The following AOAH variants were observed in gnomAD, a reference collection of about 807,000 sequenced individuals.
AOAH encodes the protein acyloxyacyl hydrolase (neutrophil).
A neutral mutation model predicts 92.2 loss-of-function variants in AOAH; 64 were observed. The ratio of observed to expected loss-of-function variants is 0.69; its 90% CI spans 0.57 to 0.86. AOAH has a LOEUF of 0.86. Among genes scored for constraint, AOAH ranks in the 40% least tolerant of loss-of-function variants. AOAH has a pLI of 0.00. For synonymous variants in AOAH, 263 were observed against 254.5 expected, an observed-to-expected ratio of 1.03 and a Z score of -0.32; for missense variants, 656 against 694.6, an observed-to-expected ratio of 0.94 and a Z score of 0.62.
intron 13 of AOAH, among the ~76,000 whole-genome samples, chr7:36,562,521 C>T (rs1369340299): frequency 1.3e-5 from 2 of 152,164 alleles, no homozygotes; most frequent in East Asian, 3.9e-4. Flanking sequence ...GGAGAGCCCA[C>T]CTGTCTCCAA....
At chr7:36,621,971 A>G (rs1462882772) in intron 7 of AOAH, among the ~76,000 whole-genome samples, 191 bp from the exon 8 acceptor site, 3 of 152,174 alleles carry the variant, frequency 2.0e-5, no homozygotes, top group African/African-American at 7.2e-5. Flanking sequence ...GACATGTAAT[A>G]TAACACTAGG....
At chr7:36,670,525 A>T (rs1483565584) in intron 3 of AOAH, among the ~76,000 whole-genome samples, 1 of 152,184 alleles carries the variant, frequency 6.6e-6, no homozygotes, top group Non-Finnish European at 1.5e-5. Flanking sequence ...TTCGGGCTGG[A>T]GTGCAGTGGC....
intron 5 of AOAH, among the ~76,000 whole-genome samples, chr7:36,634,548 G>T (rs1793379264): frequency 6.6e-6 from 1 of 152,150 alleles, no homozygotes; most frequent in Non-Finnish European, 1.5e-5. Flanking sequence ...CTTGAGACAG[G>T]AGTCTTGCCG....
chr7:36,581,065 A>G (rs1271797225), intron 12 of AOAH, among the ~76,000 whole-genome samples: 1 of 152,128 alleles, frequency 6.6e-6, no homozygotes, highest in Admixed American at 6.6e-5. Context: ...GCAGTTGACC[A>G]CCTGTGGAGA....
chr7:36,611,560 G>A (rs980121402), intron 11 of AOAH, among the ~76,000 whole-genome samples: 1 of 152,194 alleles, frequency 6.6e-6, no homozygotes, highest in Non-Finnish European at 1.5e-5. Context: ...TTCTTAAAAT[G>A]TCTACTGGGT....
In AOAH at chr7:36,724,305, TAAGTGTGAAGTGAATAA is replaced by T; in HGVS notation, c.-174_-158del. 3 of 767,378 alleles carry T rather than the reference TAAGTGTGAAGTGAATAA, an allele frequency of 3.9e-6. No individual in the cohort carries two copies. The highest frequency in any genetic ancestry group is 6.2e-6 in the Non-Finnish European group (3 of 487,608). 47.5% of individuals were successfully genotyped at this position (767,378 alleles called of 1,614,324 possible). On this transcript the variant is annotated 5_prime_UTR_variant, in exon 1 of 21. An upstream open reading frame in the 5' UTR gains an earlier in-frame stop. Coordinates refer to ENST00000617537, the MANE Select transcript of AOAH (RefSeq NM_001637.4). Reference sequence around the variant, plus strand: ...ACCCTCTCACATACACACTTTTCAATAAGTGTGAAGTGAATAAAAGCACACATAAACACTCACAGACC... The same window carrying T: ...ACCCTCTCACATACACACTTTTCAATAAGCACACATAAACACTCACAGACC...
intron 15 of AOAH, among the ~76,000 whole-genome samples, chr7:36,548,087 C>T (rs747122845): frequency 1.5e-4 from 23 of 152,286 alleles, no homozygotes; most frequent in African/African-American, 4.1e-4. Flanking sequence ...TCAGGACACA[C>T]CCATTTGTTG....
chr7:36,517,186 C>G (rs1783787583), intron 20 of AOAH, among the ~76,000 whole-genome samples: 1 of 62,738 alleles, frequency 1.6e-5, no homozygotes, highest in Non-Finnish European at 3.2e-5. Flanking sequence ...TTCTTTCTTT[C>G]TTTCTTTCTT....
At chr7:36,666,562 A>G (rs11773009) in intron 3 of AOAH, among the ~76,000 whole-genome samples, 27,752 of 151,590 alleles carry the variant, frequency 0.18, 2,931 homozygotes, top group Non-Finnish European at 0.25. Flanking sequence ...CCTATGGTCA[A>G]TTTCCTTGTT....
intron 4 of AOAH, 118 bp from the exon 5 acceptor site, chr7:36,638,028 AT>A (rs2116316182): frequency 1.3e-6 from 1 of 778,144 alleles, no homozygotes; most frequent in South Asian, 1.8e-5. Flanking sequence ...CACTCCATAA[AT>A]TTGTAATAAA....
rs527793561 is a variant in AOAH at position 36,513,090 on chromosome 7, G to A, written c.*162C>T. The A allele has an allele frequency of 2.5e-5, 39 of 1,580,212 alleles. No individual in the cohort carries two copies. The highest frequency in any genetic ancestry group is 9.2e-5 in the East Asian group (4 of 43,570). On this transcript the variant is annotated 3_prime_UTR_variant, in exon 21 of 21. Coordinates refer to ENST00000617537, the MANE Select transcript of AOAH (RefSeq NM_001637.4). ...CGGGAGCACACAGCATTGCACAGTC[G>A]TCCAGATATGCTCTTCATTGAGAGA...
chr7:36,514,881 C>CTTTT (rs1562850393), intron 20 of AOAH, among the ~76,000 whole-genome samples: 1 of 152,154 alleles, frequency 6.6e-6, no homozygotes, highest in South Asian at 2.1e-4. Context: ...AAAGTCCTTT[C>CTTTT]TGTGTCTGAC....
At chr7:36,667,140 T>C (rs1406388716) in intron 3 of AOAH, among the ~76,000 whole-genome samples, 1 of 152,208 alleles carries the variant, frequency 6.6e-6, no homozygotes, top group Middle Eastern at 3.2e-3. Context: ...TTAATCTCCA[T>C]GGTTTCAGTT....
At chr7:36,679,553 A>ATTATATGTATAATATGTATACATTG (rs1164401907) in intron 2 of AOAH, among the ~76,000 whole-genome samples, 2 of 140,212 alleles carry the variant, frequency 1.4e-5, no homozygotes, top group Admixed American at 1.4e-4. Context: ...GTTATACATT[A>ATTATATGTATAATATGTATACATTG]TTATATGTAT....
intron 11 of AOAH, among the ~76,000 whole-genome samples, chr7:36,612,041 T>TA (rs1791495220): frequency 6.6e-6 from 1 of 152,140 alleles, no homozygotes; most frequent in South Asian, 2.1e-4. Context: ...AAGATTGAAT[T>TA]AAAAAATGCA....
At chr7:36,593,910 T>C (rs1047482722) in intron 12 of AOAH, among the ~76,000 whole-genome samples, 3 of 152,214 alleles carry the variant, frequency 2.0e-5, no homozygotes, top group Non-Finnish European at 4.4e-5. Flanking sequence ...GGTTTGTGTG[T>C]CATTCAAACT....
intron 9 of AOAH, among the ~76,000 whole-genome samples, chr7:36,620,327 A>T (rs1019076609): frequency 4.6e-5 from 7 of 152,100 alleles, no homozygotes; most frequent in African/African-American, 7.2e-5. Context: ...CTAGGACACC[A>T]GCATTAAACG....
intron 11 of AOAH, among the ~76,000 whole-genome samples, chr7:36,601,677 C>G (rs1470781174): frequency 6.6e-6 from 1 of 152,138 alleles, no homozygotes; most frequent in Non-Finnish European, 1.5e-5. Context: ...ATGTTAGTAG[C>G]ATTAAGGGCA....
At chr7:36,556,743 CTTCT>C (rs1786752562) in intron 13 of AOAH, among the ~76,000 whole-genome samples, 1 of 136,042 alleles carries the variant, frequency 7.4e-6, no homozygotes, top group Non-Finnish European at 1.6e-5. Context: ...ATGTAATGGC[CTTCT>C]TTGTCTCTTT....
Sources: allele counts gnomAD v4.1 joint callset (sites outside exome capture counted in the v4.1 genomes callset), GRCh38; gene constraint gnomAD v4.1.1; transcripts MANE v1.5; gene names NCBI Gene and HGNC (gene_info 2026-07-23, HGNC 2026-07-21).